The following GOLGA1 variants were observed in gnomAD, a reference collection of about 807,000 sequenced individuals.
GOLGA1 encodes the protein golgin A1.
In GOLGA1, 63 loss-of-function variants were observed where a neutral mutation model predicts 119.7. The ratio of observed to expected loss-of-function variants is 0.53; its 90% CI spans 0.43 to 0.65. GOLGA1 has a LOEUF of 0.65. Ranked by LOEUF, GOLGA1 falls within the 30% of genes least tolerant of loss-of-function variation. The pLI, the probability that GOLGA1 is intolerant of heterozygous loss-of-function variation, is 0.00. For synonymous variants in GOLGA1, 318 were observed against 333.4 expected, an observed-to-expected ratio of 0.95 and a Z score of 0.50; for missense variants, 798 against 912.8, an observed-to-expected ratio of 0.87 and a Z score of 1.62.
At position 124,921,232 on chromosome 9, in the gene GOLGA1, A is replaced by T. The variant is rs147293563; in HGVS notation, c.740T>A (p.Val247Glu). ...TTCTGCACCTGTTTTTGAAGCTATCACATGATCTCTTCATCAAAAGAAAGC... is the reference window on the plus strand; with the variant it reads ...TTCTGCACCTGTTTTTGAAGCTATCTCATGATCTCTTCATCAAAAGAAAGC... ...YSTLEEQRDH[V>E]IASKTGAESK... The change falls in exon 10 of 23, where the codon GTG becomes GAG. Residue 247 changes from valine (V) to glutamate (E), a missense_variant. Coordinates refer to ENST00000373555, the MANE Select transcript of GOLGA1 (RefSeq NM_002077.4). 54 of 1,596,984 alleles carry T rather than the reference A, an allele frequency of 3.4e-5. No homozygotes were observed. The highest frequency in any genetic ancestry group is 1.6e-4 in the Middle Eastern group (1 of 6,066).
At chr9:124,899,623 C>A in intron 13 of GOLGA1, 145 bp from the exon 14 acceptor site, 1 of 759,810 alleles carries the variant, frequency 1.3e-6, no homozygotes, top group East Asian at 2.7e-5. Flanking sequence ...GAGGTCCCCC[C>A]TGCAGGCTCT....
At chr9:124,935,727 G>A (rs979421515) in intron 3 of GOLGA1, among the ~76,000 whole-genome samples, 5 of 146,656 alleles carry the variant, frequency 3.4e-5, no homozygotes, top group Admixed American at 6.9e-5. Flanking sequence ...CTTGAACCCA[G>A]GGTCCAGCCT....
chr9:124,906,430 CA>C (rs972570377), intron 12 of GOLGA1, among the ~76,000 whole-genome samples: 5 of 140,928 alleles, frequency 3.5e-5, no homozygotes, highest in African/African-American at 5.3e-5. Context: ...GACTCTATCT[CA>C]AAAAAAAAGA....
intron 15 of GOLGA1, among the ~76,000 whole-genome samples, chr9:124,892,609 A>AT (rs1829880354): frequency 6.6e-6 from 1 of 151,890 alleles, no homozygotes; most frequent in South Asian, 2.1e-4. Context: ...TTCCATTGTG[A>AT]TTTTTTTCTT....
upstream of GOLGA1, chr9:124,944,026 T>C (rs939935655): frequency 2.0e-5 from 3 of 152,230 alleles, no homozygotes; most frequent in African/African-American, 7.2e-5. Flanking sequence ...TATTTGCCTT[T>C]CCTATTATCT....
chr9:124,888,258 T>C lies in GOLGA1; in HGVS notation c.1900A>G (p.Asn634Asp), dbSNP rs199787776. 1 of 1,614,072 alleles carries C rather than the reference T, an allele frequency of 6.2e-7. No homozygotes were observed. The highest frequency in any genetic ancestry group is 8.5e-7 in the Non-Finnish European group (1 of 1,179,938). ...CATGCAAAAGGCATCCTCACCTTATTTTTCTCCAGAAGTTGCTGCTCCAAG... is the reference window on the plus strand; with the variant it reads ...CATGCAAAAGGCATCCTCACCTTATCTTTCTCCAGAAGTTGCTGCTCCAAG... The part of the protein sequence containing the change: ...QDLEQQLLEK[N>D]KTIKQMQQRM... Residue 634 changes from asparagine (N) to aspartate (D), a missense_variant, in exon 19 of 23, where the codon AAT (asparagine) becomes GAT (aspartate). Transcript: ENST00000373555. This position sits in a 1 kb window ranked among gnomAD's most constrained non-coding sequence, Gnocchi z 4.4.
At chr9:124,922,999 G>GGT (rs1830600480) in intron 8 of GOLGA1, 96 bp downstream of exon 8, 5 of 743,914 alleles carry the variant, frequency 6.7e-6, no homozygotes, top group Middle Eastern at 2.4e-4. Flanking sequence ...ACATATTACT[G>GGT]GTGTATGTTT....
At chr9:124,943,162 C>G (rs1241455612), upstream of GOLGA1, 1 of 152,192 alleles carries the variant, frequency 6.6e-6, no homozygotes, top group African/African-American at 2.4e-5. Flanking sequence ...ACACAACTGA[C>G]AAGACTTTTA....
chr9:124,925,424 T>C (rs896652254), intron 7 of GOLGA1, among the ~76,000 whole-genome samples: 3 of 151,614 alleles, frequency 2.0e-5, no homozygotes, highest in Non-Finnish European at 2.9e-5. Flanking sequence ...TCTTTCCTTA[T>C]ATAAAACTGT....
At chr9:124,933,350 C>T (rs561628838) in intron 3 of GOLGA1, among the ~76,000 whole-genome samples, 3 of 152,208 alleles carry the variant, frequency 2.0e-5, no homozygotes, top group Non-Finnish European at 4.4e-5. Context: ...GCTCATTGTG[C>T]CTAAAATGTT....
At chr9:124,913,152 C>G (rs1830372582) in intron 10 of GOLGA1, among the ~76,000 whole-genome samples, 1 of 152,130 alleles carries the variant, frequency 6.6e-6, no homozygotes, top group African/African-American at 2.4e-5. Flanking sequence ...ACCATCAGCT[C>G]TCATGAGAAC....
chr9:124,941,862 CTT>C (rs1320438191), upstream of GOLGA1, among the ~76,000 whole-genome samples: 2 of 152,216 alleles, frequency 1.3e-5, no homozygotes, highest in African/African-American at 2.4e-5. Context: ...GGGAGGATCT[CTT>C]GAGACCAGGG....
intron 10 of GOLGA1, among the ~76,000 whole-genome samples, chr9:124,915,318 CGAT>C (rs1830418337): frequency 6.6e-6 from 1 of 152,146 alleles, no homozygotes; most frequent in South Asian, 2.1e-4. Flanking sequence ...TGTGAGGACT[CGAT>C]GAGTCCCTAT....
rs1411883687 is a variant in GOLGA1, at chr9:124,890,452, C to G, written c.1434G>C (p.Val478=). ...CCAGGGCTTGAGCCATGGCCACGCT[C>G]ACAATTTCTCTTTGGCTCCATTCTT... ...LKEEWSQREI[V]SVAMAQALEE... is the part of the protein sequence containing the mutation. The change falls in exon 16 of 23, where the codon GTG becomes GTC. Residue 478 remains valine, a synonymous_variant. Transcript: ENST00000373555. The G allele has an allele frequency of 8.1e-6, 13 of 1,613,736 alleles. No homozygotes were observed. The highest frequency in any genetic ancestry group is 1.1e-5 in the Non-Finnish European group (13 of 1,179,582).
chr9:124,938,302 G>A (rs1830920190), intron 3 of GOLGA1, among the ~76,000 whole-genome samples: 1 of 151,932 alleles, frequency 6.6e-6, no homozygotes, highest in African/African-American at 2.4e-5. Flanking sequence ...TGCAAAAGAA[G>A]ATGTATAAGG....
In GOLGA1 at chr9:124,946,599, A is replaced by G. The variant is rs1459319839; in HGVS notation, c.-156+1319T>C. 6.6e-6 allele frequency: 1 copy of G among 152,216 alleles called. No homozygotes were observed. Among genetic ancestry groups the G allele is most frequent in the Non-Finnish European group, 1.5e-5 (1 of 68,040 alleles). 9.4% of individuals were successfully genotyped at this position (152,216 alleles called of 1,614,324 possible). On this transcript the variant is annotated intron_variant, in intron 1 of 4. Coordinates refer to the GOLGA1 transcript ENST00000421514. This position sits in a 1 kb window ranked among gnomAD's most constrained non-coding sequence, Gnocchi z 4.0. ...CTCTTTCATGCAAATAAATATGTCAACTGAAGTAACCAAACATTGATACTT... is the reference window on the plus strand; with the variant it reads ...CTCTTTCATGCAAATAAATATGTCAGCTGAAGTAACCAAACATTGATACTT...
intron 10 of GOLGA1, among the ~76,000 whole-genome samples, chr9:124,912,565 C>T (rs980801580): frequency 7.2e-5 from 11 of 152,132 alleles, no homozygotes; most frequent in East Asian, 1.9e-4. Flanking sequence ...TTTTTTGAGA[C>T]GGAGTGTCGC....
At chr9:124,882,076 G>C (rs1216765993) in intron 20 of GOLGA1, 122 bp from the exon 21 acceptor site, 1 of 682,270 alleles carries the variant, frequency 1.5e-6, no homozygotes, top group Non-Finnish European at 2.5e-6. Flanking sequence ...GCCCCACCTG[G>C]GAAGGAAGCA....
In GOLGA1 at chr9:124,899,294, C is replaced by T. The variant is rs570832497; in HGVS notation, c.1311+35G>A. ...GACTTCGCTGTGGGGGACCCTGGTG[C>T]TCCTGGGCCCACCCTCTCTTAGCTC... On this transcript the variant is annotated intron_variant, in intron 14 of 22. Coordinates refer to ENST00000373555, the MANE Select transcript of GOLGA1 (RefSeq NM_002077.4). 3 of 1,518,904 alleles carry T rather than the reference C, an allele frequency of 2.0e-6. No individual in the cohort carries two copies. In the African/African-American group the frequency reaches 4.1e-5, roughly 21 times the overall value. The allele number at this position is 1,518,904 out of a possible 1,614,324, so 94.1% of individuals were successfully genotyped here. A position where few individuals can be genotyped will look rare whatever the true frequency, so the allele number is the denominator to read the frequency against.
Sources: gnomAD v4.1 joint callset for allele counts (sites outside exome capture counted in the v4.1 genomes callset) on GRCh38, gnomAD v4.1.1 for gene constraint, Gnocchi (gnomAD v3.1) non-coding constraint, MANE v1.5 for transcripts, NCBI Gene and HGNC (gene_info 2026-07-23, HGNC 2026-07-21) for gene names.